TECTA: variants seen among roughly 807,000 people sequenced by gnomAD.
The protein encoded by TECTA is tectorin alpha.
In TECTA, 128 loss-of-function variants were observed where a neutral mutation model predicts 216.8. That is an observed-to-expected ratio of 0.59 (90% CI 0.51 to 0.68). The LOEUF is 0.68. TECTA is among the 30% of genes least tolerant of loss of function. The probability of loss-of-function intolerance (pLI) is 0.00; values close to 1 mark genes in which losing one functional copy is unlikely to be tolerated. For synonymous variants in TECTA, 1,089 were observed against 1,117.1 expected (o/e 0.97, Z 0.50); for missense variants, 2,551 against 2,786.2 (o/e 0.92, Z 1.90).
At chr11:121,153,705 T>C (rs998292437) in intron 13 of TECTA, among the ~76,000 whole-genome samples, 5 of 152,214 alleles carry the variant, frequency 3.3e-5, no homozygotes, top group Non-Finnish European at 7.3e-5. Context: ...ATAGAGTTCA[T>C]GAAGATGCCC....
intron 16 of TECTA, among the ~76,000 whole-genome samples, chr11:121,163,838 C>T (rs1263363538): frequency 6.6e-6 from 1 of 152,168 alleles, no homozygotes; most frequent in Non-Finnish European, 1.5e-5. Context: ...TTGTCATTCT[C>T]GTACAGAGGT....
At chr11:121,190,360 G>A (rs1947329356) in intron 23 of TECTA, among the ~76,000 whole-genome samples, 1 of 152,142 alleles carries the variant, frequency 6.6e-6, no homozygotes, top group African/African-American at 2.4e-5. Context: ...TGCCTCCCGG[G>A]TTCAAGCGAT....
chr11:121,129,078 G>T (rs1019373093), intron 9 of TECTA, among the ~76,000 whole-genome samples: 7 of 152,206 alleles, frequency 4.6e-5, no homozygotes, highest in Non-Finnish European at 5.9e-5. Context: ...ACACAGTACT[G>T]CCCAAGGAGA....
intron 10 of TECTA, among the ~76,000 whole-genome samples, chr11:121,136,259 A>C (rs571815392): frequency 6.6e-6 from 1 of 151,998 alleles, no homozygotes; most frequent in African/African-American, 2.4e-5. Flanking sequence ...GTGCTTTTTG[A>C]CCAAGAGTCT....
At chr11:121,157,429 C>CA (rs1433374221) in intron 13 of TECTA, among the ~76,000 whole-genome samples, 2 of 151,988 alleles carry the variant, frequency 1.3e-5, no homozygotes, top group Non-Finnish European at 2.9e-5. Flanking sequence ...TCCGTCTCTA[C>CA]AAAAAATACA....
Position 121,145,890 on chromosome 11 carries a change from T to A in TECTA, c.3879T>A (p.Gly1293=). Residue 1293 remains glycine, a synonymous_variant, in exon 12 of 24, where the codon GGT becomes GGA. Coordinates refer to ENST00000392793, the MANE Select transcript of TECTA (RefSeq NM_005422.4). ...GTCCGTCCTGTGCCAAGGTGGAAGG[T>A]TTCTCCAAAGTGCAGCAGCTGTGCA... ...DRCPSCAKVE[G]FSKVQQLCSL... 1 of 1,614,176 alleles carries A rather than the reference T, an allele frequency of 6.2e-7. No individual in the cohort carries two copies. Among genetic ancestry groups the A allele is most frequent in the Non-Finnish European group, 8.5e-7 (1 of 1,180,026 alleles).
At position 121,125,748 on chromosome 11, in the gene TECTA, C is replaced by T. The variant is rs765501387; in HGVS notation, c.1650C>T (p.Cys550=). ...ACCCCACTGCTTTTGTGCACAGCTG[C>T]GTGTATGACCTGTGCAGTGTGAGGG... ...VVDPTAFVHS[C]VYDLCSVRDN... Residue 550 remains cysteine (C), a synonymous_variant, in exon 8 of 24, where the codon TGC becomes TGT. Coordinates refer to ENST00000392793, the MANE Select transcript of TECTA (RefSeq NM_005422.4). The T allele has an allele frequency of 5.0e-6, 8 of 1,613,938 alleles. No individual in the cohort carries two copies. Among genetic ancestry groups the T allele is most frequent in the South Asian group, 3.3e-5 (3 of 91,088 alleles).
intron 20 of TECTA, among the ~76,000 whole-genome samples, chr11:121,172,159 T>C (rs1007202253): frequency 1.3e-5 from 2 of 152,170 alleles, no homozygotes; most frequent in African/African-American, 2.4e-5. Flanking sequence ...GATAATCATA[T>C]GGTTTTTATT....
At position 121,127,467 on chromosome 11, in the gene TECTA, T is replaced by C. The variant is rs112519426; in HGVS notation, c.1775-285T>C. ...TGGATCATCAAATAATAAACCTATA[T>C]TGGGTAATCAGTAGTCTAGAAAGGA... On this transcript the variant is annotated intron_variant, in intron 8 of 23. Coordinates refer to ENST00000392793, the MANE Select transcript of TECTA (RefSeq NM_005422.4). The surrounding 1 kb of genome is among the most constrained non-coding windows in gnomAD (Gnocchi z 5.0). Among the ~76,000 whole-genome samples, 1 of 152,118 alleles carries C rather than the reference T, an allele frequency of 6.6e-6. No individual in the cohort carries two copies.
intron 10 of TECTA, 146 bp downstream of exon 10, chr11:121,130,357 C>T: frequency 3.3e-6 from 3 of 923,006 alleles, no homozygotes; most frequent in Non-Finnish European, 4.8e-6. Context: ...CTGATGTGTC[C>T]TCCCAAAGAC....
Position 121,109,218 on chromosome 11 carries a change from A to G in TECTA, c.206A>G (p.Asn69Ser), listed in dbSNP as rs758152552. 2 of 1,614,148 alleles carry G rather than the reference A, an allele frequency of 1.2e-6. No individual in the cohort carries two copies. The highest frequency in any genetic ancestry group is 1.7e-6 in the Non-Finnish European group (2 of 1,180,018). The change falls in exon 4 of 24, where the codon AAC becomes AGC. Residue 69 changes from asparagine to serine, a missense_variant. Physicochemically the swap from Asn to Ser is conservative, Grantham distance 46. Around this residue, in one of 3 missense-constraint regions of TECTA, gnomAD observed 2,375 missense variants for 2,563.9 expected, o/e 0.93. Transcript: ENST00000392793. ...GVPYRTVYVN[N>S]NGVVSFNVLV... Reference sequence around the variant, plus strand: ...CCTCTCTTATTTTCGTAGGTCAATAACAACGGAGTTGTTTCCTTCAATGTG... The same window carrying G: ...CCTCTCTTATTTTCGTAGGTCAATAGCAACGGAGTTGTTTCCTTCAATGTG...
rs1425359131 is a variant in TECTA at position 121,105,564 on chromosome 11, A to G, written c.65-267A>G. Among the ~76,000 whole-genome samples the G allele has an allele frequency of 2.0e-5, 3 of 152,228 alleles. No individual in the cohort carries two copies. The highest frequency in any genetic ancestry group is 7.2e-5 in the African/African-American group (3 of 41,466). On this transcript the variant is annotated intron_variant, in intron 2 of 23. Coordinates refer to ENST00000392793, the MANE Select transcript of TECTA (RefSeq NM_005422.4). This position sits in a 1 kb window ranked among gnomAD's most constrained non-coding sequence, Gnocchi z 5.3. ...AATTTCCAGCCAGCTGTAGCCATAG[A>G]TATCACCAAGATGCATGAAAGTGCA...
chr11:121,161,668 C>T (rs1026290083), intron 15 of TECTA, among the ~76,000 whole-genome samples: 7 of 149,438 alleles, frequency 4.7e-5, no homozygotes, highest in Non-Finnish European at 8.9e-5. Context: ...GGCTTAGAAA[C>T]CTTCCTTTCA....
At chr11:121,148,538 C>T (rs1946861389) in intron 12 of TECTA, among the ~76,000 whole-genome samples, 1 of 152,146 alleles carries the variant, frequency 6.6e-6, no homozygotes, top group African/African-American at 2.4e-5. Context: ...CTCAGCCATT[C>T]GACCTGAGAA....
chr11:121,160,232 T>C lies in TECTA; in HGVS notation c.4787T>C (p.Ile1596Thr). The stretch of plus-strand genomic sequence containing the variant: ...CTGGTGATTGACACCAGCCCAGACA[T>C]CCAGATATACTACAATGGTTTCAAC... The part of the protein sequence containing the change: ...GFLVIDTSPD[I>T]QIYYNGFNVI... Residue 1596 changes from isoleucine (I) to threonine (T), a missense_variant, in exon 15 of 24, where the codon ATC becomes ACC. Ile to Thr is a moderately conservative substitution (Grantham distance 89, BLOSUM62 -1). This residue lies in a region of TECTA where 2,375 missense variants were observed against 2,563.9 expected (regional missense o/e 0.93). Coordinates refer to ENST00000392793, the MANE Select transcript of TECTA (RefSeq NM_005422.4). 2 of 1,614,110 alleles carry C rather than the reference T, an allele frequency of 1.2e-6. No homozygotes were observed. Among genetic ancestry groups the C allele is most frequent in the Non-Finnish European group, 1.7e-6 (2 of 1,180,014 alleles).
At chr11:121,125,922 G>C in intron 8 of TECTA, 50 bp downstream of exon 8, 1 of 1,588,162 alleles carries the variant, frequency 6.3e-7, no homozygotes, top group Middle Eastern at 2.0e-4. Context: ...GCAGGGGGCA[G>C]GGATAGGCTT....
chr11:121,155,037 C>G (rs949387118), intron 13 of TECTA, among the ~76,000 whole-genome samples: 1 of 152,154 alleles, frequency 6.6e-6, no homozygotes, highest in African/African-American at 2.4e-5. Flanking sequence ...AGCTTACATC[C>G]GGGAAGCAGC....
At chr11:121,109,728 C>A in intron 4 of TECTA, 1 of 557,384 alleles carries the variant, frequency 1.8e-6, no homozygotes, top group Non-Finnish European at 3.2e-6. Context: ...CACAAATCAT[C>A]ACTAATGCCT....
In TECTA at chr11:121,160,010, T is replaced by A. The variant is rs1946981729; in HGVS notation, c.4690-125T>A. ...CTGCTGTCATGCTGCAGGGACAGAA[T>A]GGAGTCGTTGAGACAGAGATCACAG... On this transcript the variant is annotated intron_variant, in intron 14 of 23. Transcript: ENST00000392793. 4 of 1,018,002 alleles carry A rather than the reference T, an allele frequency of 3.9e-6. No homozygotes were observed. In the Admixed American group the frequency reaches 7.5e-5, roughly 19 times the overall value. The allele number at this position is 1,018,002 out of a possible 1,614,324, so 63.1% of individuals were successfully genotyped here.
Sources: gnomAD v4.1 joint callset for allele counts (sites outside exome capture counted in the v4.1 genomes callset) on GRCh38, gnomAD v4.1.1 for gene constraint, gnomAD v4.1.1 regional missense constraint, Gnocchi (gnomAD v3.1) non-coding constraint, MANE v1.5 for transcripts, NCBI Gene and HGNC (gene_info 2026-07-23, HGNC 2026-07-21) for gene names.